Variants in HDAC9 observed in about 807,000 individuals in gnomAD.
HDAC9 encodes the protein histone deacetylase 9, also known as MEF-2 interacting transcription repressor (MITR) protein.
A neutral mutation model predicts 139.4 loss-of-function variants in HDAC9; 41 were observed. The ratio of observed to expected loss-of-function variants is 0.29; its 90% CI spans 0.23 to 0.38. HDAC9 has a LOEUF of 0.38. HDAC9 is among the 10% of genes least tolerant of loss of function. The pLI is 1.00. For synonymous variants in HDAC9, 517 were observed against 476.2 expected, an observed-to-expected ratio of 1.09 and a Z score of -1.12; for missense variants, 1,147 against 1,297.0, an observed-to-expected ratio of 0.88 and a Z score of 1.78.
chr7:18,945,302 T>G (rs1782297855), intron 23 of HDAC9, among the ~76,000 whole-genome samples: 1 of 152,250 alleles, frequency 6.6e-6, no homozygotes, highest in African/African-American at 2.4e-5. Context: ...CTTCATCTAT[T>G]TATTGATCAT....
intron 2 of HDAC9, among the ~76,000 whole-genome samples, chr7:18,570,504 G>A (rs190645742): frequency 2.0e-5 from 3 of 152,248 alleles, no homozygotes; most frequent in Non-Finnish European, 4.4e-5. Context: ...TCTGTATCAA[G>A]GCATACTCCA....
In HDAC9 at chr7:18,936,007, A is replaced by C. The variant is rs569898821; in HGVS notation, c.2937+65A>C. ...CAGGGATGTATGCATGCATATTTTT[A>C]AACTAAAAAAAAATTCTGCATACTC... is the stretch of plus-strand genomic sequence containing the variant. On this transcript the variant is annotated intron_variant, in intron 23 of 25. Transcript: ENST00000686413. The C allele has an allele frequency of 2.6e-5, 38 of 1,485,814 alleles. No homozygotes were observed. In the South Asian group the frequency reaches 4.6e-4, roughly 18 times the overall value. 92.0% of individuals were successfully genotyped at this position (1,485,814 alleles called of 1,614,324 possible).
intron 1 of HDAC9, among the ~76,000 whole-genome samples, chr7:18,089,494 A>G (rs574355407): frequency 6.8e-4 from 103 of 152,088 alleles, no homozygotes; most frequent in African/African-American, 2.2e-3. Flanking sequence ...ATAATTATAT[A>G]TTTAAGATAT....
chr7:18,412,070 C>T (rs923507120), intron 1 of HDAC9, among the ~76,000 whole-genome samples: 1 of 150,310 alleles, frequency 6.7e-6, no homozygotes, highest in Non-Finnish European at 1.5e-5. Flanking sequence ...TCAAATGATC[C>T]GCTTGCCTTA....
chr7:18,579,425 G>A (rs1171451167), intron 2 of HDAC9, among the ~76,000 whole-genome samples: 1 of 152,226 alleles, frequency 6.6e-6, no homozygotes, highest in African/African-American at 2.4e-5. Context: ...GCAGAAAACA[G>A]TACAGAAGGC....
chr7:18,419,532 C>T (rs1285474905), intron 1 of HDAC9, among the ~76,000 whole-genome samples: 1 of 152,092 alleles, frequency 6.6e-6, no homozygotes, highest in Non-Finnish European at 1.5e-5. Flanking sequence ...GGCAGTATTT[C>T]TCTCCAGACG....
intron 17 of HDAC9, among the ~76,000 whole-genome samples, chr7:18,796,709 G>T (rs1233036734): frequency 6.6e-6 from 1 of 152,144 alleles, no homozygotes; most frequent in East Asian, 1.9e-4. Flanking sequence ...ATAATTGGAA[G>T]AATAATTATC....
intron 2 of HDAC9, among the ~76,000 whole-genome samples, chr7:18,257,960 TAGAAAGGC>T (rs1407652521): frequency 2.6e-5 from 4 of 152,170 alleles, no homozygotes; most frequent in African/African-American, 9.7e-5. Flanking sequence ...GTGGCCTCGT[TAGAAAGGC>T]AGACTCTCCA....
In HDAC9 at chr7:18,627,091, G is replaced by A. The variant is rs140643505; in HGVS notation, c.665-2259G>A. On this transcript the variant is annotated intron_variant, in intron 6 of 25. Coordinates refer to ENST00000686413, the MANE Select transcript of HDAC9 (RefSeq NM_178425.4). ...TATTCTCAGGTATCTAATTGGAAAGGCTTTAAGCTATGTTTCACAAATGAA... is the reference window on the plus strand; with the variant it reads ...TATTCTCAGGTATCTAATTGGAAAGACTTTAAGCTATGTTTCACAAATGAA... Among the ~76,000 whole-genome samples the A allele has an allele frequency of 2.0e-5, 3 of 152,268 alleles. No individual in the cohort carries two copies. In the East Asian group the frequency reaches 5.8e-4, roughly 29 times the overall value.
chr7:18,226,989 A>G (rs1468696624), intron 2 of HDAC9, among the ~76,000 whole-genome samples: 2 of 152,194 alleles, frequency 1.3e-5, no homozygotes, highest in Non-Finnish European at 2.9e-5. Flanking sequence ...AGGAAGATCT[A>G]TTAGTGGTAT....
intron 2 of HDAC9, among the ~76,000 whole-genome samples, chr7:18,274,768 A>C (rs1796609248): frequency 6.6e-6 from 1 of 152,246 alleles, no homozygotes. Flanking sequence ...GCAGAAAATT[A>C]TTATACTTTA....
At chr7:18,250,628 A>G (rs532981475) in intron 2 of HDAC9, among the ~76,000 whole-genome samples, 1 of 152,294 alleles carries the variant, frequency 6.6e-6, no homozygotes, top group South Asian at 2.1e-4. Context: ...TTTTTAGCAA[A>G]TGAGTTACCA....
At chr7:18,674,090 A>T (rs557330880) in intron 12 of HDAC9, among the ~76,000 whole-genome samples, 5 of 151,952 alleles carry the variant, frequency 3.3e-5, no homozygotes, top group Admixed American at 3.3e-4. Context: ...GTCATCTTTG[A>T]TTATCTTCAT....
chr7:18,445,928 A>G (rs1792252085), intron 1 of HDAC9, among the ~76,000 whole-genome samples: 1 of 152,212 alleles, frequency 6.6e-6, no homozygotes, highest in African/African-American at 2.4e-5. Flanking sequence ...AGTCAAACAT[A>G]TCTTAGGATT....
chr7:18,177,644 A>G (rs1789030296), intron 2 of HDAC9, among the ~76,000 whole-genome samples: 1 of 151,976 alleles, frequency 6.6e-6, no homozygotes, highest in Non-Finnish European at 1.5e-5. Context: ...GACATTTGTT[A>G]CCTCTCTCAG....
At chr7:18,092,533 A>T (rs1344335177) in intron 1 of HDAC9, among the ~76,000 whole-genome samples, 3 of 152,038 alleles carry the variant, frequency 2.0e-5, no homozygotes, top group African/African-American at 7.2e-5. Flanking sequence ...CGCTGCTGGC[A>T]TATAGCTTCT....
chr7:18,308,382 A>G (rs1367639676), intron 1 of HDAC9, among the ~76,000 whole-genome samples: 4 of 152,236 alleles, frequency 2.6e-5, no homozygotes, highest in Non-Finnish European at 5.9e-5. Flanking sequence ...CTTTTGAGGA[A>G]AAGGTACACT....
At chr7:18,668,403 C>T (rs1795412166) in intron 12 of HDAC9, 4 of 930,756 alleles carry the variant, frequency 4.3e-6, no homozygotes, top group Non-Finnish European at 5.1e-6. Flanking sequence ...TATTCATTTT[C>T]TTCAAAGTCT....
chr7:18,241,397 T>C (rs957623072), intron 2 of HDAC9, among the ~76,000 whole-genome samples: 4 of 152,158 alleles, frequency 2.6e-5, no homozygotes, highest in South Asian at 2.1e-4. Context: ...CTTTCCATTA[T>C]TGGGAGCTCT....
Sources: gnomAD v4.1 joint callset for allele counts (sites outside exome capture counted in the v4.1 genomes callset) on GRCh38, gnomAD v4.1.1 for gene constraint, MANE v1.5 for transcripts, NCBI Gene and HGNC (gene_info 2026-07-23, HGNC 2026-07-21) for gene names.